The following PMFBP1 variants were observed in gnomAD, a reference collection of about 807,000 sequenced individuals.
The protein encoded by PMFBP1 is polyamine modulated factor 1 binding protein 1, also known as polyamine-modulated factor 1-binding protein 1.
A neutral mutation model predicts 137.8 loss-of-function variants in PMFBP1; 131 were observed. The ratio of observed to expected loss-of-function variants is 0.95; its 90% confidence interval spans 0.82 to 1.10. The LOEUF is 1.10. PMFBP1 is among the 50% of genes least tolerant of loss of function. PMFBP1 has a pLI of 0.00. For synonymous variants in PMFBP1, 490 were observed against 450.4 expected (o/e 1.09, Z -1.11); for missense variants, 1,199 against 1,175.4 (o/e 1.02, Z -0.29).
chr16:72,249,191 G>A, the PMFBP1 span, among the ~76,000 whole-genome samples: 1 of 152,184 alleles, frequency 6.6e-6, no homozygotes, highest in Non-Finnish European at 1.5e-5. Flanking sequence ...TTGAAAGTAG[G>A]TGCCTCCATT....
intron 2 of PMFBP1, among the ~76,000 whole-genome samples, chr16:72,167,862 A>T (rs2043167569): frequency 6.6e-6 from 1 of 152,244 alleles, no homozygotes; most frequent in African/African-American, 2.4e-5. Context: ...GGGCTCACTA[A>T]CAAAATGCCA....
upstream of PMFBP1, among the ~76,000 whole-genome samples, chr16:72,175,286 A>T (rs1006019287): frequency 6.6e-6 from 1 of 152,130 alleles, no homozygotes; most frequent in Admixed American, 6.5e-5. Flanking sequence ...CCTCTTTCCT[A>T]ACTCAAACAG....
At chr16:72,227,307 T>A in the PMFBP1 span, among the ~76,000 whole-genome samples, 9 of 152,218 alleles carry the variant, frequency 5.9e-5, no homozygotes, top group African/African-American at 2.2e-4. Flanking sequence ...TCCTTCCTCT[T>A]GAGTCTAGGG....
chr16:72,135,302 A>G (rs1300143602), intron 9 of PMFBP1, among the ~76,000 whole-genome samples: 5 of 151,292 alleles, frequency 3.3e-5, no homozygotes, highest in East Asian at 1.9e-4. Context: ...CAGCCTCCCA[A>G]GTAGCTGGGA....
At chr16:72,210,152 T>C in the PMFBP1 span, among the ~76,000 whole-genome samples, 2 of 152,198 alleles carry the variant, frequency 1.3e-5, no homozygotes, top group African/African-American at 4.8e-5. Flanking sequence ...CTCTGACGGA[T>C]GCAGCGAAAC....
At chr16:72,131,824 T>G (rs2042553277) in intron 10 of PMFBP1, among the ~76,000 whole-genome samples, 1 of 152,098 alleles carries the variant, frequency 6.6e-6, no homozygotes, top group African/African-American at 2.4e-5. Context: ...GATAAGTAAT[T>G]CATATAACAT....
chr16:72,146,233 T>C (rs2042804483), intron 5 of PMFBP1, among the ~76,000 whole-genome samples: 1 of 152,172 alleles, frequency 6.6e-6, no homozygotes, highest in Admixed American at 6.5e-5. Flanking sequence ...CGCAAATCAA[T>C]AAACGTAATC....
At chr16:72,182,972 G>C in the PMFBP1 span, among the ~76,000 whole-genome samples, 1 of 152,046 alleles carries the variant, frequency 6.6e-6, no homozygotes, top group South Asian at 2.1e-4. Flanking sequence ...GTCAGTGGGG[G>C]AGGGGACTGG....
At chr16:72,244,966 G>T in the PMFBP1 span, among the ~76,000 whole-genome samples, 1 of 152,140 alleles carries the variant, frequency 6.6e-6, no homozygotes, top group Non-Finnish European at 1.5e-5. Context: ...TTTTGGGCAC[G>T]CAAGAGAGCA....
chr16:72,163,361 A>G (rs2043092342), intron 3 of PMFBP1, among the ~76,000 whole-genome samples: 1 of 152,262 alleles, frequency 6.6e-6, no homozygotes. Context: ...GAGCTTCCAA[A>G]GAAAGCAAAC....
chr16:72,152,702 G>A (rs550823371), intron 4 of PMFBP1, among the ~76,000 whole-genome samples: 36 of 151,984 alleles, frequency 2.4e-4, no homozygotes, highest in East Asian at 5.8e-4. Flanking sequence ...AAAATTAGCC[G>A]GGTGTGGTGG....
intron 9 of PMFBP1, among the ~76,000 whole-genome samples, chr16:72,133,195 T>C (rs1251894335): frequency 6.6e-6 from 1 of 152,066 alleles, no homozygotes; most frequent in East Asian, 1.9e-4. Context: ...ATTATTGTTA[T>C]TGTTTTTGAG....
At chr16:72,214,765 G>GATA in the PMFBP1 span, among the ~76,000 whole-genome samples, 1 of 152,150 alleles carries the variant, frequency 6.6e-6, no homozygotes, top group Non-Finnish European at 1.5e-5. Context: ...AACATTATAA[G>GATA]AGATGTCAGC....
chr16:72,138,025 C>T (rs754019618), intron 7 of PMFBP1, among the ~76,000 whole-genome samples: 3 of 151,838 alleles, frequency 2.0e-5, no homozygotes, highest in East Asian at 3.9e-4. Context: ...CCCCAGGGAG[C>T]GTGAGGGCTT....
chr16:72,234,757 A>C, the PMFBP1 span, among the ~76,000 whole-genome samples: 1 of 152,128 alleles, frequency 6.6e-6, no homozygotes, highest in Non-Finnish European at 1.5e-5. Context: ...CCCACTGACA[A>C]CTTTGTTGTT....
At chr16:72,155,599 T>C (rs1275499008) in intron 3 of PMFBP1, among the ~76,000 whole-genome samples, 1 of 152,212 alleles carries the variant, frequency 6.6e-6, no homozygotes, top group Admixed American at 6.5e-5. Context: ...AGCAATCTCA[T>C]TGGCTCCCGA....
chr16:72,147,379 T>C (rs1310542639), intron 5 of PMFBP1, among the ~76,000 whole-genome samples: 2 of 152,176 alleles, frequency 1.3e-5, no homozygotes, highest in African/African-American at 2.4e-5. Flanking sequence ...TAACTCAAGA[T>C]GGATTAAAGA....
the PMFBP1 span, among the ~76,000 whole-genome samples, chr16:72,214,257 C>G: frequency 6.6e-6 from 1 of 151,904 alleles, no homozygotes; most frequent in African/African-American, 2.4e-5. Context: ...TGCAGTGGCA[C>G]AATCTCGGCT....
chr16:72,199,454 G>A, the PMFBP1 span, among the ~76,000 whole-genome samples: 1 of 152,148 alleles, frequency 6.6e-6, no homozygotes, highest in Non-Finnish European at 1.5e-5. Context: ...AGGAGTTCAA[G>A]ACCAGCCTGG....
Sources: allele counts gnomAD v4.1 joint callset (sites outside exome capture counted in the v4.1 genomes callset), GRCh38; gene constraint gnomAD v4.1.1; transcripts MANE v1.5; gene names NCBI Gene and HGNC (gene_info 2026-07-23, HGNC 2026-07-21).